COMMD1: variants seen among roughly 807,000 people sequenced by gnomAD.
COMMD1 encodes COMM domain-containing protein 1.
In COMMD1, 10 loss-of-function variants were observed where a neutral mutation model predicts 17.2. That is an observed-to-expected ratio of 0.58 (90% CI 0.36 to 0.99). The LOEUF (loss-of-function observed/expected upper bound fraction) is 0.99. Among genes scored for constraint, COMMD1 ranks in the 50% least tolerant of loss-of-function variants. COMMD1 has a pLI of 0.01. For synonymous variants in COMMD1, 97 were observed against 91.6 expected, an observed-to-expected ratio of 1.06 and a Z score of -0.34; for missense variants, 270 against 231.8, an observed-to-expected ratio of 1.17 and a Z score of -1.07.
intron 2 of COMMD1, among the ~76,000 whole-genome samples, chr2:62,026,699 G>A (rs1669766523): frequency 6.6e-6 from 1 of 152,158 alleles, no homozygotes; most frequent in Non-Finnish European, 1.5e-5. Flanking sequence ...CAAAGATGGT[G>A]GATTCTGGAT....
intron 2 of COMMD1, among the ~76,000 whole-genome samples, chr2:62,110,225 A>T (rs1672420931): frequency 6.6e-6 from 1 of 151,868 alleles, no homozygotes; most frequent in African/African-American, 2.4e-5. Flanking sequence ...GTGCACCAAC[A>T]TGCCTGGCTA....
At chr2:61,968,758 A>G (rs1444490771) in intron 1 of COMMD1, among the ~76,000 whole-genome samples, 4 of 151,932 alleles carry the variant, frequency 2.6e-5, no homozygotes, top group Non-Finnish European at 4.4e-5. Flanking sequence ...AGATTTCTCC[A>G]TGTTGCCCAG....
At chr2:62,042,384 C>T (rs1050468388) in intron 2 of COMMD1, among the ~76,000 whole-genome samples, 8 of 152,242 alleles carry the variant, frequency 5.3e-5, no homozygotes, top group African/African-American at 1.7e-4. Context: ...CTCCAAGTCC[C>T]TACCCAACCC....
chr2:62,027,015 A>G (rs754019523), intron 2 of COMMD1, among the ~76,000 whole-genome samples: 1 of 152,050 alleles, frequency 6.6e-6, no homozygotes, highest in Non-Finnish European at 1.5e-5. Context: ...CTGGTTTTGT[A>G]TATACTTGAA....
intron 1 of COMMD1, among the ~76,000 whole-genome samples, chr2:61,918,881 T>A (rs1670113871): frequency 6.6e-6 from 1 of 152,208 alleles, no homozygotes; most frequent in Admixed American, 6.5e-5. Context: ...TAGAATGCAG[T>A]TTTTATAAAT....
At chr2:62,124,214 G>C (rs1044253557) in intron 2 of COMMD1, among the ~76,000 whole-genome samples, 24 of 152,168 alleles carry the variant, frequency 1.6e-4, no homozygotes, top group Admixed American at 8.5e-4. Context: ...CAGGAGAATT[G>C]CTTGTACCTG....
intron 1 of COMMD1, chr2:61,969,133 A>T: frequency 3.3e-6 from 1 of 304,200 alleles, no homozygotes. Flanking sequence ...TTTTATATGT[A>T]GGTTTTTTTT....
At chr2:62,119,475 C>CA (rs542893534) in intron 2 of COMMD1, among the ~76,000 whole-genome samples, 2 of 152,076 alleles carry the variant, frequency 1.3e-5, no homozygotes, top group Admixed American at 6.5e-5. Context: ...CCACCCCAGC[C>CA]AAAAAAACAA....
chr2:62,027,606 G>A (rs1372102997), intron 2 of COMMD1, among the ~76,000 whole-genome samples: 6 of 151,156 alleles, frequency 4.0e-5, no homozygotes, highest in Non-Finnish European at 8.8e-5. Flanking sequence ...ATGCCTGCAA[G>A]TCCCTATGCC....
chr2:62,002,270 C>T (rs995134692), intron 2 of COMMD1, among the ~76,000 whole-genome samples: 8 of 151,960 alleles, frequency 5.3e-5, no homozygotes, highest in Non-Finnish European at 1.0e-4. Flanking sequence ...GTGGGTGGAT[C>T]ACCTGAGGTC....
intron 1 of COMMD1, among the ~76,000 whole-genome samples, chr2:61,985,258 G>A (rs1672074845): frequency 6.6e-6 from 1 of 152,094 alleles, no homozygotes; most frequent in African/African-American, 2.4e-5. Flanking sequence ...CACCGTGTTA[G>A]CCAGGATGGT....
chr2:61,936,376 C>T (rs993742264), intron 1 of COMMD1, among the ~76,000 whole-genome samples: 1 of 152,092 alleles, frequency 6.6e-6, no homozygotes, highest in Non-Finnish European at 1.5e-5. Flanking sequence ...TTCAGGGAAG[C>T]ATTCGAATAT....
At chr2:62,025,293 A>G (rs189818796) in intron 2 of COMMD1, among the ~76,000 whole-genome samples, 69 of 152,132 alleles carry the variant, frequency 4.5e-4, no homozygotes, top group African/African-American at 1.7e-3. Flanking sequence ...TGGGAGGTTG[A>G]GGCAGGAGGA....
chr2:62,052,267 A>G (rs1445375979), intron 2 of COMMD1, among the ~76,000 whole-genome samples: 1 of 152,226 alleles, frequency 6.6e-6, no homozygotes, highest in African/African-American at 2.4e-5. Flanking sequence ...CCTTGGCAAC[A>G]TGGTGAAACC....
At chr2:62,055,648 G>A (rs1670675421) in intron 2 of COMMD1, among the ~76,000 whole-genome samples, 1 of 152,240 alleles carries the variant, frequency 6.6e-6, no homozygotes, top group Non-Finnish European at 1.5e-5. Flanking sequence ...CACTTCAAAT[G>A]TGTCTGCATT....
At chr2:61,977,241 C>CA (rs1365232073) in intron 1 of COMMD1, among the ~76,000 whole-genome samples, 5 of 88,810 alleles carry the variant, frequency 5.6e-5, no homozygotes, top group Admixed American at 4.8e-4. Flanking sequence ...ATAAAGTTTG[C>CA]TTTTTTTTTT....
At position 62,092,913 on chromosome 2, in the gene COMMD1, G is replaced by A. The variant is rs541382671; in HGVS notation, c.463-42918G>A. ...TGGCCAAGGGAGGTTAAAAGCCTCT[G>A]TCAACTTAGCTAATTGAGTTTTTAT... On this transcript the variant is annotated intron_variant, in intron 2 of 2. Transcript: ENST00000311832. Among the ~76,000 whole-genome samples, 4 of 152,298 alleles carry A rather than the reference G, an allele frequency of 2.6e-5. No homozygotes were observed. In the East Asian group the frequency reaches 7.7e-4, roughly 29 times the overall value.
intron 1 of COMMD1, among the ~76,000 whole-genome samples, chr2:61,927,793 G>C (rs1670366576): frequency 6.6e-6 from 1 of 150,526 alleles, no homozygotes; most frequent in Admixed American, 6.6e-5. Flanking sequence ...GTTTTGTTTT[G>C]AGACTGAGTT....
intron 2 of COMMD1, among the ~76,000 whole-genome samples, chr2:62,073,838 A>G (rs951055487): frequency 6.6e-6 from 1 of 152,096 alleles, no homozygotes; most frequent in African/African-American, 2.4e-5. Context: ...AGCTGGCATC[A>G]CAGGTGCCGC....
Sources: allele counts gnomAD v4.1 joint callset (sites outside exome capture counted in the v4.1 genomes callset), GRCh38; gene constraint gnomAD v4.1.1; transcripts MANE v1.5; gene names NCBI Gene and HGNC (gene_info 2026-07-23, HGNC 2026-07-21).